PITPNB: variants seen among roughly 807,000 people sequenced by gnomAD.
PITPNB encodes phosphatidylinositol transfer protein beta.
Under a neutral mutation model 45.9 loss-of-function variants are expected in PITPNB, and 16 were observed. The ratio of observed to expected loss-of-function variants is 0.35; its 90% CI spans 0.24 to 0.53. The LOEUF is 0.53. PITPNB is among the 20% of genes least tolerant of loss of function. The probability of loss-of-function intolerance (pLI) is 0.93; values close to 1 mark genes in which losing one functional copy is unlikely to be tolerated. For missense variants in PITPNB, 188 were observed against 330.5 expected (o/e 0.57, Z 3.34); for synonymous variants, 112 against 108.9 (o/e 1.03, Z -0.18).
At chr22:27,918,549 G>C (rs1283428924) in intron 1 of PITPNB, among the ~76,000 whole-genome samples, 1 of 152,208 alleles carries the variant, frequency 6.6e-6, no homozygotes, top group African/African-American at 2.4e-5. Flanking sequence ...TGGGGCCCGG[G>C]ATGTCACCTC....
chr22:27,861,024 GA>G (rs35013749), intron 8 of PITPNB, among the ~76,000 whole-genome samples: 145 of 57,832 alleles, frequency 2.5e-3, no homozygotes, highest in Middle Eastern at 0.016. Context: ...CCCATTTCTG[GA>G]AAAAAAAAAA....
intron 7 of PITPNB, among the ~76,000 whole-genome samples, chr22:27,881,937 T>C: frequency 6.6e-6 from 1 of 152,244 alleles, no homozygotes. Context: ...TTCTTTTTCA[T>C]TTTGAAAAGA....
At chr22:27,854,444 T>G (rs1934114590) in intron 11 of PITPNB, among the ~76,000 whole-genome samples, 1 of 152,204 alleles carries the variant, frequency 6.6e-6, no homozygotes, top group African/African-American at 2.4e-5. Context: ...ATTATTGAGG[T>G]TGGCTCGTAT....
At chr22:27,864,085 C>A (rs1934412198) in intron 8 of PITPNB, among the ~76,000 whole-genome samples, 1 of 152,090 alleles carries the variant, frequency 6.6e-6, no homozygotes, top group African/African-American at 2.4e-5. Context: ...AAAAAACAAA[C>A]AACTAAACAG....
intron 8 of PITPNB, among the ~76,000 whole-genome samples, chr22:27,867,616 T>G (rs566955041): frequency 1.1e-3 from 162 of 152,304 alleles, no homozygotes; most frequent in Admixed American, 3.8e-3. Flanking sequence ...GCTTCATGCT[T>G]GTGGGTGATT....
In PITPNB at chr22:27,852,729, G is replaced by C. The variant is rs1310747453; in HGVS notation, c.*973C>G. ...GCATAGTTTCCAAGCTGTAGTTACA[G>C]AAAACTGTCATCTTCAAAACAAGAC... On this transcript the variant is annotated 3_prime_UTR_variant, in exon 12 of 12. Coordinates refer to ENST00000335272, the MANE Select transcript of PITPNB (RefSeq NM_012399.5). 1 of 152,690 alleles carries C rather than the reference G, an allele frequency of 6.5e-6. No homozygotes were observed. Among genetic ancestry groups the C allele is most frequent in the African/African-American group, 2.4e-5 (1 of 41,556 alleles). The allele number at this position is 152,690 out of a possible 1,614,324, so 9.5% of individuals were successfully genotyped here.
chr22:27,913,202 T>C (rs1935982503), intron 2 of PITPNB, among the ~76,000 whole-genome samples: 1 of 152,162 alleles, frequency 6.6e-6, no homozygotes, highest in Non-Finnish European at 1.5e-5. Context: ...TTCTCTGGAG[T>C]GTTTTAATAC....
intron 8 of PITPNB, among the ~76,000 whole-genome samples, chr22:27,868,369 C>CA (rs1934546262): frequency 6.6e-6 from 1 of 152,104 alleles, no homozygotes; most frequent in South Asian, 2.1e-4. Context: ...TATCCCTGGC[C>CA]AAAAAAATTT....
intron 7 of PITPNB, among the ~76,000 whole-genome samples, chr22:27,874,384 T>G (rs5997320): frequency 0.21 from 31,648 of 152,064 alleles, 3,461 homozygotes; most frequent in South Asian, 0.37. Flanking sequence ...ACATGGCTTG[T>G]CTTCCTCATA....
chr22:27,865,529 T>C (rs141082892), intron 8 of PITPNB, among the ~76,000 whole-genome samples: 2 of 152,308 alleles, frequency 1.3e-5, no homozygotes, highest in East Asian at 3.9e-4. Context: ...GTGTAACCTT[T>C]AAAATGTGAA....
rs1843619542 is a variant in PITPNB, at chr22:27,862,301, C to T, written c.535-2060G>A. ...CTGAAGCACCAGACTACATTTTTCC[C>T]CATTATCTACCATGGCCCAGTTTTA... On this transcript the variant is annotated intron_variant, in intron 8 of 11. Transcript: ENST00000335272. Among the ~76,000 whole-genome samples, 4 of 152,124 alleles carry T rather than the reference C, an allele frequency of 2.6e-5. No homozygotes were observed. In the South Asian group the frequency reaches 8.3e-4, roughly 32 times the overall value.
At chr22:27,865,913 C>T (rs531231016) in intron 8 of PITPNB, among the ~76,000 whole-genome samples, 1 of 152,088 alleles carries the variant, frequency 6.6e-6, no homozygotes, top group South Asian at 2.1e-4. Flanking sequence ...AAAACAACCC[C>T]AAAGCAAATA....
rs1263945117 is a variant in PITPNB at position 27,851,775 on chromosome 22, C to T, written c.*1927G>A. 2 of 152,184 alleles carry T rather than the reference C, an allele frequency of 1.3e-5. No individual in the cohort carries two copies. Among genetic ancestry groups the T allele is most frequent in the African/African-American group, 2.4e-5 (1 of 41,450 alleles). 9.4% of individuals were successfully genotyped at this position (152,184 alleles called of 1,614,324 possible). A position where few individuals can be genotyped will look rare whatever the true frequency, so the allele number is the denominator to read the frequency against. On this transcript the variant is annotated 3_prime_UTR_variant, in exon 12 of 12. Coordinates refer to ENST00000335272, the MANE Select transcript of PITPNB (RefSeq NM_012399.5). Reference sequence around the variant, plus strand: ...TAAACTAGGTATTTTACATTCACCACACATTCCCTCAAATCTCCACAGTTG... The same window carrying T: ...TAAACTAGGTATTTTACATTCACCATACATTCCCTCAAATCTCCACAGTTG...
intron 7 of PITPNB, chr22:27,894,343 T>C (rs1935374436): frequency 5.2e-6 from 2 of 386,484 alleles, no homozygotes; most frequent in Non-Finnish European, 9.3e-6. Context: ...AAAGCCAAAA[T>C]CTACACAGAA....
chr22:27,915,033 G>C (rs1936036919), intron 1 of PITPNB, among the ~76,000 whole-genome samples: 1 of 152,150 alleles, frequency 6.6e-6, no homozygotes, highest in Non-Finnish European at 1.5e-5. Flanking sequence ...AGTCTTAAAA[G>C]ATAAAATCCA....
At chr22:27,883,234 CA>C (rs35327946) in intron 7 of PITPNB, among the ~76,000 whole-genome samples, 1 of 152,188 alleles carries the variant, frequency 6.6e-6, no homozygotes, top group African/African-American at 2.4e-5. Flanking sequence ...CATCATACAG[CA>C]AAAAGTTGTT....
At chr22:27,893,409 C>T (rs1431111763) in intron 7 of PITPNB, among the ~76,000 whole-genome samples, 1 of 151,386 alleles carries the variant, frequency 6.6e-6, no homozygotes, top group Admixed American at 6.6e-5. Context: ...CTCAGCCTCC[C>T]GAGTAGCTGG....
In PITPNB at chr22:27,885,680, T is replaced by C. The variant is rs572066241; in HGVS notation, c.456+8875A>G. 1.3e-5 allele frequency among the ~76,000 whole-genome samples: 2 copies of C among 152,266 alleles called. 1 individual carries two copies. The highest frequency in any genetic ancestry group is 4.1e-4 in the South Asian group (2 of 4,822). On this transcript the variant is annotated intron_variant, in intron 7 of 11. Transcript: ENST00000335272. ...ATGAGCCACTGTGTCTGGCCAAAAT[T>C]TTTAGAATTTAAGGCATATAATATA... is the stretch of plus-strand genomic sequence containing the variant.
chr22:27,867,877 T>G (rs558205309), intron 8 of PITPNB, among the ~76,000 whole-genome samples: 1 of 152,296 alleles, frequency 6.6e-6, no homozygotes, highest in African/African-American at 2.4e-5. Context: ...GCACTTAGCT[T>G]CTTAAAGACA....
Sources: allele counts gnomAD v4.1 joint callset (sites outside exome capture counted in the v4.1 genomes callset), GRCh38; gene constraint gnomAD v4.1.1; transcripts MANE v1.5; gene names NCBI Gene and HGNC (gene_info 2026-07-23, HGNC 2026-07-21).